The following EFCAB13 variants were observed in gnomAD, a reference collection of about 807,000 sequenced individuals.
The protein encoded by EFCAB13 is EF-hand calcium binding domain 13, also known as EF-hand calcium-binding domain-containing protein 13.
A neutral mutation model predicts 110.2 loss-of-function variants in EFCAB13; 91 were observed. The ratio of observed to expected loss-of-function variants is 0.83; its 90% CI spans 0.70 to 0.98. EFCAB13 has a LOEUF of 0.98. Among genes scored for constraint, EFCAB13 ranks in the 50% least tolerant of loss-of-function variants. The pLI is 0.00. For synonymous variants in EFCAB13, 323 were observed against 369.9 expected, an observed-to-expected ratio of 0.87 and a Z score of 1.45; for missense variants, 968 against 1,119.4, an observed-to-expected ratio of 0.86 and a Z score of 1.93.
chr17:47,355,484 T>C (rs1000145254), intron 9 of EFCAB13, among the ~76,000 whole-genome samples: 1 of 152,222 alleles, frequency 6.6e-6, no homozygotes, highest in Non-Finnish European at 1.5e-5. Context: ...TAACAAACTT[T>C]CAGATTTCTC....
At chr17:47,380,879 T>C (rs1339770158) in intron 14 of EFCAB13, among the ~76,000 whole-genome samples, 1 of 146,192 alleles carries the variant, frequency 6.8e-6, no homozygotes. Flanking sequence ...AATTGCTTCT[T>C]CTTTTTTTTT....
rs190314745 is a variant in EFCAB13 at position 47,361,231 on chromosome 17, A to G, written c.662-147A>G. On this transcript the variant is annotated intron_variant, in intron 9 of 24. Coordinates refer to ENST00000331493, the MANE Select transcript of EFCAB13 (RefSeq NM_152347.5). Reference sequence around the variant, plus strand: ...TTAACCACTATTATAAAGTTATTTTATATCAGTGGTTTGCTTGTAGATAAA... The same window carrying G: ...TTAACCACTATTATAAAGTTATTTTGTATCAGTGGTTTGCTTGTAGATAAA... The G allele has an allele frequency of 6.8e-4, 442 of 652,850 alleles. 3 individuals are homozygous for G. In the African/African-American group the frequency reaches 7.6e-3, roughly 11 times the overall value. 40.4% of individuals were successfully genotyped at this position (652,850 alleles called of 1,614,324 possible).
At chr17:47,377,578 G>A in intron 12 of EFCAB13, 188 bp from the exon 13 acceptor site, 1 of 396,664 alleles carries the variant, frequency 2.5e-6, no homozygotes, top group Non-Finnish European at 4.4e-6. Context: ...TTCTGTGTTT[G>A]AGCTGTAAGA....
chr17:47,394,661 T>C (rs535970643), intron 16 of EFCAB13, among the ~76,000 whole-genome samples: 17 of 152,284 alleles, frequency 1.1e-4, no homozygotes, highest in Admixed American at 2.6e-4. Context: ...ATTCTAAAAA[T>C]TGGGGCTGAA....
At chr17:47,399,875 T>G (rs1053579476) in intron 17 of EFCAB13, among the ~76,000 whole-genome samples, 1 of 152,234 alleles carries the variant, frequency 6.6e-6, no homozygotes, top group Non-Finnish European at 1.5e-5. Context: ...GCTTATGAGC[T>G]CTCTTGTTTC....
intron 9 of EFCAB13, among the ~76,000 whole-genome samples, chr17:47,349,950 A>C (rs909747441): frequency 2.7e-5 from 4 of 150,348 alleles, no homozygotes; most frequent in African/African-American, 9.8e-5. Context: ...AATTTTTTGT[A>C]TTTTTAGTAG....
chr17:47,393,755 A>AATAAAT (rs918168589), intron 15 of EFCAB13, among the ~76,000 whole-genome samples: 2 of 117,952 alleles, frequency 1.7e-5, no homozygotes, highest in South Asian at 2.7e-4. Context: ...TAAATAAATA[A>AATAAAT]AAATAAAAAT....
At chr17:47,368,559 T>C (rs1193804244) in intron 10 of EFCAB13, among the ~76,000 whole-genome samples, 1 of 152,178 alleles carries the variant, frequency 6.6e-6, no homozygotes, top group Non-Finnish European at 1.5e-5. Flanking sequence ...TGCTGTTCAA[T>C]GTGGGGAATA....
intron 18 of EFCAB13, 27 bp from the exon 19 acceptor site, chr17:47,403,848 TTTA>T (rs780072925): frequency 2.5e-6 from 4 of 1,577,146 alleles, no homozygotes; most frequent in Non-Finnish European, 3.4e-6. Context: ...GCTACTGCTT[TTTA>T]TTAATTAACT....
At chr17:47,429,551 T>C (rs1478783895) in intron 23 of EFCAB13, among the ~76,000 whole-genome samples, 1 of 152,040 alleles carries the variant, frequency 6.6e-6, no homozygotes, top group African/African-American at 2.4e-5. Context: ...AAAACAGGGA[T>C]GAAAATGCCT....
chr17:47,357,538 C>T (rs979573352), intron 9 of EFCAB13, among the ~76,000 whole-genome samples: 2 of 152,190 alleles, frequency 1.3e-5, no homozygotes, highest in South Asian at 4.1e-4. Flanking sequence ...CCTCAGCCTC[C>T]TGAGTAGCTG....
intron 23 of EFCAB13, among the ~76,000 whole-genome samples, chr17:47,424,872 A>ATTT (rs1459453287): frequency 1.5e-5 from 1 of 68,346 alleles, no homozygotes; most frequent in Non-Finnish European, 2.9e-5. Context: ...CCGGTTGACA[A>ATTT]TCTTTTTTTT....
Position 47,341,984 on chromosome 17 carries a change from A to C in EFCAB13, c.255A>C (p.Lys85Asn). Residue 85 changes from lysine (K) to asparagine (N), a missense_variant, in exon 6 of 25, where the codon AAA becomes AAC. Lys to Asn is a moderately conservative substitution (Grantham distance 94). Coordinates refer to ENST00000331493, the MANE Select transcript of EFCAB13 (RefSeq NM_152347.5). ...CCTCTGATTTTTCAGGAGAAAAAAA[A>C]GTTGGGAGAAAGAGTTTACAAGTAC... is the stretch of plus-strand genomic sequence containing the variant. Reference protein sequence around the residue: ...EKSSDFSGEKKVGRKSLQVQQ... With the variant: ...EKSSDFSGEKNVGRKSLQVQQ... The C allele has an allele frequency of 6.2e-7, 1 of 1,601,744 alleles. No homozygotes were observed. The highest frequency in any genetic ancestry group is 8.5e-7 in the Non-Finnish European group (1 of 1,175,266).
intron 14 of EFCAB13, among the ~76,000 whole-genome samples, chr17:47,379,503 A>G (rs1484862713): frequency 1.3e-5 from 2 of 152,104 alleles, no homozygotes; most frequent in African/African-American, 4.8e-5. Flanking sequence ...AATAATGATA[A>G]TGCGGAGATC....
chr17:47,361,379 A>G lies in EFCAB13; in HGVS notation c.663A>G (p.Ala221=). 3 of 1,611,488 alleles carry G rather than the reference A, an allele frequency of 1.9e-6. No individual in the cohort carries two copies. Among genetic ancestry groups the G allele is most frequent in the Non-Finnish European group, 2.5e-6 (3 of 1,178,912 alleles). Residue 221 remains alanine (A), a splice_region_variant and synonymous_variant, in exon 10 of 25, where the codon GCA becomes GCG. Transcript: ENST00000331493. ...RQALKTVDID[A]FQDALKIFCR... The stretch of plus-strand genomic sequence containing the variant: ...GGTATAATAATTTCTTTTTTGCAGC[A>G]TTCCAGGATGCCTTGAAGATTTTCT...
intron 17 of EFCAB13, among the ~76,000 whole-genome samples, chr17:47,396,382 CCTG>C (rs1308626008): frequency 6.6e-6 from 1 of 151,698 alleles, no homozygotes; most frequent in Admixed American, 6.6e-5. Flanking sequence ...GAAAAACACA[CCTG>C]CTGATAGCTA....
intron 9 of EFCAB13, among the ~76,000 whole-genome samples, chr17:47,360,282 C>T (rs1265576512): frequency 1.3e-5 from 2 of 152,114 alleles, no homozygotes; most frequent in Non-Finnish European, 2.9e-5. Flanking sequence ...TCCTCTCCAG[C>T]ACCTGTTGTT....
intron 22 of EFCAB13, among the ~76,000 whole-genome samples, chr17:47,413,275 G>A (rs896165655): frequency 1.3e-5 from 2 of 151,796 alleles, no homozygotes; most frequent in African/African-American, 4.8e-5. Flanking sequence ...GCTCCATTTT[G>A]ATTTTTAACC....
intron 24 of EFCAB13, 134 bp downstream of exon 24, chr17:47,430,095 T>C: frequency 7.3e-7 from 1 of 1,361,142 alleles, no homozygotes; most frequent in Non-Finnish European, 9.5e-7. Flanking sequence ...ACACTGGTAC[T>C]GCCCCTACAG....
Sources: gnomAD v4.1 joint callset for allele counts (sites outside exome capture counted in the v4.1 genomes callset) on GRCh38, gnomAD v4.1.1 for gene constraint, MANE v1.5 for transcripts, NCBI Gene and HGNC (gene_info 2026-07-23, HGNC 2026-07-21) for gene names.